LIX1L: variants seen among roughly 807,000 people sequenced by gnomAD.
LIX1L encodes the protein limb and CNS expressed 1 like, also known as LIX1-like protein.
LIX1L carries 20 observed loss-of-function variants against 34.0 expected under a neutral mutation model. The ratio of observed to expected loss-of-function variants is 0.59; its 90% CI spans 0.41 to 0.85. The LOEUF is 0.85. LIX1L is among the 40% of genes least tolerant of loss of function. LIX1L has a pLI of 0.00. For synonymous variants in LIX1L, 170 were observed against 187.4 expected (o/e 0.91, Z 0.76); for missense variants, 397 against 447.0 (o/e 0.89, Z 1.01).
intron 2 of LIX1L, chr1:145,947,232 T>C (rs1489712667): frequency 4.8e-5 from 9 of 189,064 alleles, no homozygotes; most frequent in Admixed American, 1.6e-4. Context: ...AACTCCAACA[T>C]TGCTTTCTTT....
chr1:145,945,485 G>T (rs1280676729), intron 2 of LIX1L, among the ~76,000 whole-genome samples: 2 of 151,514 alleles, frequency 1.3e-5, no homozygotes, highest in Non-Finnish European at 2.9e-5. Context: ...GGTGGCTCAC[G>T]CCTGTAATTC....
chr1:145,945,867 T>C (rs1420261727), intron 2 of LIX1L, among the ~76,000 whole-genome samples: 1 of 146,714 alleles, frequency 6.8e-6, no homozygotes, highest in Non-Finnish European at 1.5e-5. Flanking sequence ...GCGGGTGGAT[T>C]ACAAGGTCAG....
In LIX1L at chr1:145,956,635, T is replaced by C. The variant is rs1206721113; in HGVS notation, c.292+1001A>G. Among the ~76,000 whole-genome samples, 3 of 152,152 alleles carry C rather than the reference T, an allele frequency of 2.0e-5. No individual in the cohort carries two copies. The East Asian group carries it at 5.8e-4, about 29-fold the overall frequency. On this transcript the variant is annotated intron_variant, in intron 1 of 5. Transcript: ENST00000604000. ...TTATTGTTAAACAGAAAGTTAAAGATATAGTCACTTCCAGGTCAGGCAGGA... is the reference window on the plus strand; with the variant it reads ...TTATTGTTAAACAGAAAGTTAAAGACATAGTCACTTCCAGGTCAGGCAGGA...
chr1:145,942,119 C>G (rs1208615031), intron 3 of LIX1L: 3 of 151,838 alleles, frequency 2.0e-5, no homozygotes, highest in African/African-American at 7.3e-5. Flanking sequence ...CTCCTAACCT[C>G]GTGATCTGCC....
chr1:145,949,150 G>A (rs1553759519), intron 1 of LIX1L: 4 of 152,184 alleles, frequency 2.6e-5, no homozygotes, highest in Admixed American at 6.5e-5. Flanking sequence ...ACCTGACATT[G>A]TATTCTAGAA....
rs782465443 is a variant in LIX1L at position 145,933,452 on chromosome 1, A to T, written c.*2858T>A. 28 of 152,236 alleles carry T rather than the reference A, an allele frequency of 1.8e-4. No individual in the cohort carries two copies. The highest frequency in any genetic ancestry group is 7.2e-4 in the Admixed American group (11 of 15,282). 9.4% of individuals were successfully genotyped at this position (152,236 alleles called of 1,614,324 possible). ...TAGACAAAAATCTATTTTTAATTGT[A>T]TAAAATTATACATATAAAATACATA... On this transcript the variant is annotated 3_prime_UTR_variant, in exon 6 of 6. Transcript: ENST00000604000.
chr1:145,938,107 G>C (rs1648735393), intron 3 of LIX1L, among the ~76,000 whole-genome samples: 1 of 149,730 alleles, frequency 6.7e-6, no homozygotes, highest in South Asian at 2.1e-4. Context: ...GGACAACAGA[G>C]TGAGACTCTG....
intron 2 of LIX1L, 81 bp downstream of exon 2, chr1:145,947,538 G>T: frequency 6.8e-7 from 1 of 1,471,148 alleles, no homozygotes; most frequent in Non-Finnish European, 9.4e-7. Context: ...ATTTCAGGCA[G>T]TTTAATGGCC....
chr1:145,939,836 G>C (rs1298383806), intron 3 of LIX1L: 2 of 151,748 alleles, frequency 1.3e-5, no homozygotes, highest in Non-Finnish European at 2.9e-5. Context: ...ATGGAGTTTC[G>C]CCATGCTGCC....
In LIX1L at chr1:145,942,712, C is replaced by A. The variant is rs781903861; in HGVS notation, c.597+1G>T. 6.2e-7 allele frequency: 1 copy of A among 1,613,842 alleles called. No homozygotes were observed. The highest frequency in any genetic ancestry group is 1.3e-5 in the African/African-American group (1 of 74,924). ...CTTCCTTCCAGCTCCATACAACTTA[C>A]ATTAAAAGATGCCAGGGCCTCAGAG... On this transcript the variant is annotated splice_donor_variant, in intron 3 of 5. Transcript: ENST00000604000. LOFTEE classifies it high-confidence loss of function.
chr1:145,936,838 TA>T (rs1648664457), intron 5 of LIX1L, 69 bp downstream of exon 5: 2 of 1,094,826 alleles, frequency 1.8e-6, no homozygotes, highest in Non-Finnish European at 1.4e-6. Flanking sequence ...TCTAACATAG[TA>T]ACCACCTCAA....
chr1:145,957,861 C>T lies in LIX1L; in HGVS notation c.67G>A (p.Ala23Thr). Reference sequence around the variant, plus strand: ...GCCCCAGTCACTCCGGGCCGCAGCGCTCGGAGAGTGCCCCTCCCGCTGGTG... The same window carrying T: ...GCCCCAGTCACTCCGGGCCGCAGCGTTCGGAGAGTGCCCCTCCCGCTGGTG... ...VGTSGRGTLR[A>T]LRPGVTGAAA... Residue 23 changes from alanine to threonine, a missense_variant, in exon 1 of 6, where the codon GCG (alanine) becomes ACG (threonine). By Grantham distance (58) the Ala-to-Thr change is moderately conservative. Coordinates refer to ENST00000604000, the MANE Select transcript of LIX1L (RefSeq NM_153713.3). The T allele has an allele frequency of 1.4e-6, 2 of 1,460,810 alleles. No homozygotes were observed. Among genetic ancestry groups the T allele is most frequent in the Non-Finnish European group, 1.8e-6 (2 of 1,108,614 alleles). 90.5% of individuals were successfully genotyped at this position (1,460,810 alleles called of 1,614,324 possible). A position where few individuals can be genotyped will look rare whatever the true frequency, so the allele number is the denominator to read the frequency against.
intron 3 of LIX1L, among the ~76,000 whole-genome samples, chr1:145,939,456 C>CT (rs1450241518): frequency 3.9e-5 from 6 of 151,954 alleles, no homozygotes; most frequent in Admixed American, 3.9e-4. Context: ...CAGGTGTGCA[C>CT]TACCATGCCT....
rs1553758026 is a variant in LIX1L, at chr1:145,937,672, T to C, written c.625A>G (p.Asn209Asp). 1.2e-6 allele frequency: 2 copies of C among 1,613,538 alleles called. No individual in the cohort carries two copies. Among genetic ancestry groups the C allele is most frequent in the East Asian group, 2.2e-5 (1 of 44,884 alleles). ...AATCGGAAGGCACCAATCCCTGTAT[T>C]TGGGTTGTCAGCTTCCTCCCTGTTG... ...NGNREEADNPNTGIGAFRFML... is the reference protein window; with the variant it reads ...NGNREEADNPDTGIGAFRFML... The change falls in exon 4 of 6, where the codon AAT (asparagine) becomes GAT (aspartate). Residue 209 changes from asparagine to aspartate, a missense_variant. Asn to Asp is a conservative substitution (Grantham distance 23). Transcript: ENST00000604000.
At chr1:145,951,831 A>T (rs1257394295) in intron 1 of LIX1L, among the ~76,000 whole-genome samples, 1 of 152,224 alleles carries the variant, frequency 6.6e-6, no homozygotes, top group Non-Finnish European at 1.5e-5. Context: ...GGAAGGTCCT[A>T]TTAAAAAGCA....
chr1:145,956,133 T>C (rs1469137271), intron 1 of LIX1L, among the ~76,000 whole-genome samples: 2 of 152,156 alleles, frequency 1.3e-5, no homozygotes, highest in Non-Finnish European at 2.9e-5. Context: ...TGGGATTACA[T>C]TGGAAAAATA....
In LIX1L at chr1:145,957,933, C is replaced by A; in HGVS notation, c.-6G>T. 5 of 1,474,782 alleles carry A rather than the reference C, an allele frequency of 3.4e-6. No homozygotes were observed. The highest frequency in any genetic ancestry group is 4.5e-6 in the Non-Finnish European group (5 of 1,115,490). The allele number at this position is 1,474,782 out of a possible 1,614,324, so 91.4% of individuals were successfully genotyped here. A position where few individuals can be genotyped will look rare whatever the true frequency, so the allele number is the denominator to read the frequency against. On this transcript the variant is annotated 5_prime_UTR_variant, in exon 1 of 6. Transcript: ENST00000604000. ...TGCGCTCGCATAGTCTCCATCCCGG[C>A]CGCCAATGGAGTAGCGCCCCGGAGC... is the stretch of plus-strand genomic sequence containing the variant.
At position 145,936,897 on chromosome 1, in the gene LIX1L, A is replaced by T. The variant is rs1272088424; in HGVS notation, c.771+11T>A. The T allele has an allele frequency of 4.4e-6, 7 of 1,593,638 alleles. No homozygotes were observed. Among genetic ancestry groups the T allele is most frequent in the Non-Finnish European group, 6.0e-6 (7 of 1,161,536 alleles). ...CTCCCCTCATTCGCCCCCACTCATA[A>T]AATCTCTTACCTGCCGAGAGCATTG... On this transcript the variant is annotated intron_variant, in intron 5 of 5. Transcript: ENST00000604000.
At chr1:145,947,863 C>T in intron 1 of LIX1L, 81 bp from the exon 2 acceptor site, 1 of 1,258,834 alleles carries the variant, frequency 7.9e-7, no homozygotes, top group South Asian at 1.3e-5. Flanking sequence ...GTACCTGTAA[C>T]CTGTACCTAC....
Sources: gnomAD v4.1 joint callset for allele counts (sites outside exome capture counted in the v4.1 genomes callset) on GRCh38, gnomAD v4.1.1 for gene constraint, MANE v1.5 for transcripts, NCBI Gene and HGNC (gene_info 2026-07-23, HGNC 2026-07-21) for gene names.